ABCB5: variants seen among roughly 807,000 people sequenced by gnomAD.
ABCB5 encodes ATP-binding cassette sub-family B member 5.
In ABCB5, 155 loss-of-function variants were observed where a neutral mutation model predicts 144.2. The observed-to-expected ratio is 1.08, with a 90% CI of 0.94 to 1.23. ABCB5 has a LOEUF of 1.23. Ranked by LOEUF, ABCB5 falls within the 50% of genes most tolerant of loss-of-function variation. The pLI, the probability that ABCB5 is intolerant of heterozygous loss-of-function variation, is 0.00. For synonymous variants in ABCB5, 610 were observed against 528.6 expected (o/e 1.15, Z -2.11); for missense variants, 1,830 against 1,520.8 (o/e 1.20, Z -3.38).
intron 27 of ABCB5, 100 bp from the exon 28 acceptor site, chr7:20,755,327 A>G (rs1262830277): frequency 9.9e-7 from 1 of 1,013,922 alleles, no homozygotes; most frequent in Non-Finnish European, 1.5e-6. Context: ...ACAAGCAAAT[A>G]AAGCAAAGAA....
chr7:20,625,363 G>A (rs545662935), intron 2 of ABCB5, among the ~76,000 whole-genome samples: 1 of 152,182 alleles, frequency 6.6e-6, no homozygotes, highest in East Asian at 1.9e-4. Context: ...TTCTCTTAAT[G>A]TTTCAGAATT....
chr7:20,622,275 T>C (rs1783818823), intron 1 of ABCB5, among the ~76,000 whole-genome samples: 1 of 152,162 alleles, frequency 6.6e-6, no homozygotes. Flanking sequence ...ATCATTTTAT[T>C]TTTCTTACAT....
chr7:20,659,372 T>G, intron 14 of ABCB5: 2 of 1,256,100 alleles, frequency 1.6e-6, no homozygotes, highest in Non-Finnish European at 2.0e-6. Flanking sequence ...TTACTTTGCA[T>G]TTGCTTGGAA....
At chr7:20,637,970 C>A (rs897150974) in intron 5 of ABCB5, among the ~76,000 whole-genome samples, 1 of 152,104 alleles carries the variant, frequency 6.6e-6, no homozygotes. Flanking sequence ...ATTGCCTGGG[C>A]TCTGGGGCTG....
intron 26 of ABCB5, 60 bp from the exon 27 acceptor site, chr7:20,753,300 G>T (rs1480600579): frequency 1.9e-6 from 3 of 1,553,760 alleles, no homozygotes; most frequent in Non-Finnish European, 2.6e-6. Context: ...CTCGCCCACA[G>T]TTGCCATGCT....
At chr7:20,716,827 G>C (rs758014838) in intron 20 of ABCB5, among the ~76,000 whole-genome samples, 39 of 152,110 alleles carry the variant, frequency 2.6e-4, no homozygotes, top group Non-Finnish European at 4.4e-4. Context: ...AAGTGGGTGA[G>C]GGCTGAACCC....
intron 16 of ABCB5, among the ~76,000 whole-genome samples, chr7:20,691,581 T>TA (rs1461276540): frequency 3.3e-4 from 44 of 131,352 alleles, no homozygotes; most frequent in East Asian, 2.6e-3. Flanking sequence ...TTTAAATTCA[T>TA]TTTTATTTAT....
In ABCB5 at chr7:20,699,811, C is replaced by T. The variant is rs1786551651; in HGVS notation, c.2155-14C>T. ...TTTCCCCCAAACACCTGATAAAAAT[C>T]TGTTCCTTTTCAGATGTTTGGAAAT... On this transcript the variant is annotated splice_polypyrimidine_tract_variant and intron_variant, in intron 17 of 27. Coordinates refer to ENST00000404938, the MANE Select transcript of ABCB5 (RefSeq NM_001163941.2). The T allele has an allele frequency of 6.5e-7, 1 of 1,545,058 alleles. No homozygotes were observed. Among genetic ancestry groups the T allele is most frequent in the Non-Finnish European group, 8.8e-7 (1 of 1,131,038 alleles).
intron 15 of ABCB5, among the ~76,000 whole-genome samples, chr7:20,683,317 T>C (rs1161094533): frequency 6.6e-6 from 1 of 152,188 alleles, no homozygotes; most frequent in Non-Finnish European, 1.5e-5. Context: ...ACATTTTGTG[T>C]CTCAAAAATA....
At chr7:20,664,252 A>C (rs1283682868) in intron 14 of ABCB5, among the ~76,000 whole-genome samples, 1 of 152,074 alleles carries the variant, frequency 6.6e-6, no homozygotes, top group African/African-American at 2.4e-5. Context: ...TTTTTGGAAA[A>C]CCACACTCAC....
chr7:20,670,380 A>G (rs1233844984), intron 14 of ABCB5, among the ~76,000 whole-genome samples: 1 of 139,634 alleles, frequency 7.2e-6, no homozygotes, highest in Non-Finnish European at 1.5e-5. Flanking sequence ...TTCTAAAAAA[A>G]GAAAAAGAAA....
intron 20 of ABCB5, among the ~76,000 whole-genome samples, chr7:20,717,061 A>G (rs1448006318): frequency 2.6e-5 from 4 of 152,116 alleles, no homozygotes; most frequent in African/African-American, 9.7e-5. Context: ...GGAGCTTGAG[A>G]TGACCCCGCA....
rs1350199981 is a variant in ABCB5, at chr7:20,658,560, CAG to C, written c.1594_1595del (p.Arg532AspfsTer18). 7.4e-6 allele frequency: 12 copies of C among 1,613,994 alleles called. No individual in the cohort carries two copies. The highest frequency in any genetic ancestry group is 2.7e-5 in the African/African-American group (2 of 74,910). ...KGAQMSGGQK[Q>X]RIAIARALVR... ...AGCTCAAATGAGTGGAGGGCAGAAA[CAG>C]AGGATCGCAATTGCTCGTGCCTTAG... On this transcript the variant is annotated frameshift_variant, in exon 14 of 28. Coordinates refer to ENST00000404938, the MANE Select transcript of ABCB5 (RefSeq NM_001163941.2). LOFTEE classifies it high-confidence loss of function.
chr7:20,720,666 C>T (rs1240650479), intron 20 of ABCB5, among the ~76,000 whole-genome samples: 1 of 152,130 alleles, frequency 6.6e-6, no homozygotes, highest in African/African-American at 2.4e-5. Flanking sequence ...AATGAAGAGG[C>T]CAGGCGCGGT....
intron 16 of ABCB5, among the ~76,000 whole-genome samples, chr7:20,696,254 T>C (rs903283678): frequency 6.6e-6 from 1 of 152,130 alleles, no homozygotes; most frequent in African/African-American, 2.4e-5. Context: ...GATATGCTGA[T>C]TTATGCCGCA....
intron 20 of ABCB5, among the ~76,000 whole-genome samples, chr7:20,712,282 T>C (rs1583443556): frequency 1.3e-5 from 2 of 148,784 alleles, no homozygotes; most frequent in South Asian, 4.3e-4. Context: ...TGTATATTTC[T>C]TCCTTTGCTT....
At chr7:20,739,197 G>A (rs886765205) in intron 24 of ABCB5, 58 bp downstream of exon 24, 1 of 1,463,138 alleles carries the variant, frequency 6.8e-7, no homozygotes, top group Non-Finnish European at 9.0e-7. Context: ...AGGAACTGGG[G>A]GCCACTGAAG....
chr7:20,631,341 TA>T (rs1158419993), intron 4 of ABCB5, among the ~76,000 whole-genome samples: 2 of 152,110 alleles, frequency 1.3e-5, no homozygotes, highest in African/African-American at 2.4e-5. Flanking sequence ...TGCATATAAA[TA>T]AAGATCATAA....
At chr7:20,640,142 T>C (rs1355262242) in intron 5 of ABCB5, among the ~76,000 whole-genome samples, 1 of 152,340 alleles carries the variant, frequency 6.6e-6, no homozygotes, top group East Asian at 1.9e-4. Flanking sequence ...GTATTAAGCC[T>C]GTAGTGTTCC....
Sources: gnomAD v4.1 joint callset for allele counts (sites outside exome capture counted in the v4.1 genomes callset) on GRCh38, gnomAD v4.1.1 for gene constraint, MANE v1.5 for transcripts, NCBI Gene and HGNC (gene_info 2026-07-23, HGNC 2026-07-21) for gene names.